The following CAMTA1 variants were observed in gnomAD, a reference collection of about 807,000 sequenced individuals.
CAMTA1 encodes calmodulin-binding transcription activator 1.
In CAMTA1, 27 loss-of-function variants were observed where a neutral mutation model predicts 170.9. The observed-to-expected ratio is 0.16, with a 90% CI of 0.12 to 0.22. The LOEUF (loss-of-function observed/expected upper bound fraction) is 0.22. CAMTA1 is among the 10% of genes least tolerant of loss of function. The pLI is 1.00. For missense variants in CAMTA1, 1,619 were observed against 2,217.2 expected (o/e 0.73, Z 5.42); for synonymous variants, 833 against 891.5 (o/e 0.93, Z 1.17).
chr1:7,031,004 T>TA (rs1225077248), intron 3 of CAMTA1, among the ~76,000 whole-genome samples: 30 of 143,358 alleles, frequency 2.1e-4, no homozygotes, highest in Non-Finnish European at 2.6e-4. Flanking sequence ...CCAGCTAATT[T>TA]TTTTTTTTTT....
intron 6 of CAMTA1, among the ~76,000 whole-genome samples, chr1:7,519,312 C>A (rs1265894653): frequency 1.3e-5 from 2 of 151,956 alleles, no homozygotes; most frequent in Admixed American, 1.3e-4. Flanking sequence ...CAGGGGAAGT[C>A]TTAGCCAGAC....
intron 3 of CAMTA1, among the ~76,000 whole-genome samples, chr1:6,950,188 A>T (rs1571970985): frequency 6.6e-6 from 1 of 151,996 alleles, no homozygotes; most frequent in South Asian, 2.1e-4. Context: ...AAGGAGGGGG[A>T]CGGCCTTCTC....
At chr1:7,301,126 C>T (rs1460179231) in intron 5 of CAMTA1, among the ~76,000 whole-genome samples, 1 of 152,182 alleles carries the variant, frequency 6.6e-6, no homozygotes. Context: ...GGAGCCACAG[C>T]CAGCAGGGGC....
chr1:6,971,812 G>A lies in CAMTA1; in HGVS notation c.235-119492G>A, dbSNP rs1166561525. ...TGGCCGCCCCCGGGTCTCAGCAATGGCATTATCACTGCTAACCCAGGTGTG... is the reference window on the plus strand; with the variant it reads ...TGGCCGCCCCCGGGTCTCAGCAATGACATTATCACTGCTAACCCAGGTGTG... On this transcript the variant is annotated intron_variant, in intron 3 of 22. Coordinates refer to ENST00000303635, the MANE Select transcript of CAMTA1 (RefSeq NM_015215.4). The surrounding 1 kb of genome is among the most constrained non-coding windows in gnomAD (Gnocchi z 4.6). 6.6e-6 allele frequency among the ~76,000 whole-genome samples: 1 copy of A among 152,240 alleles called. No homozygotes were observed. Among genetic ancestry groups the A allele is most frequent in the Non-Finnish European group, 1.5e-5 (1 of 68,042 alleles).
chr1:7,162,365 A>G (rs1647381563), intron 4 of CAMTA1, among the ~76,000 whole-genome samples: 1 of 152,156 alleles, frequency 6.6e-6, no homozygotes, highest in Non-Finnish European at 1.5e-5. Context: ...ATATTTACAG[A>G]GTTGTGCAAC....
chr1:7,127,107 G>T (rs747952267), intron 4 of CAMTA1, among the ~76,000 whole-genome samples: 13 of 152,266 alleles, frequency 8.5e-5, no homozygotes, highest in Non-Finnish European at 1.6e-4. Flanking sequence ...GCAGCATGGG[G>T]CCTGGGAGAC....
intron 4 of CAMTA1, among the ~76,000 whole-genome samples, chr1:7,140,493 C>G (rs1226777580): frequency 2.0e-5 from 3 of 152,136 alleles, no homozygotes; most frequent in African/African-American, 7.2e-5. Context: ...TGCTTTTCTG[C>G]TTTAGCAGTG....
intron 1 of CAMTA1, among the ~76,000 whole-genome samples, chr1:6,818,839 C>T (rs1646141836): frequency 6.6e-6 from 1 of 150,904 alleles, no homozygotes; most frequent in Non-Finnish European, 1.5e-5. Flanking sequence ...TGAGGTTTTG[C>T]CATGTTATCC....
rs559658366 is a variant in CAMTA1, at chr1:7,129,785, C to T, written c.302+38414C>T. On this transcript the variant is annotated intron_variant, in intron 4 of 22. Transcript: ENST00000303635. ...AAAAGTTTCCTTGTGCCTTGTGTAACTCATCCCTTCTGTCCCTCTCCCATC... is the reference window on the plus strand; with the variant it reads ...AAAAGTTTCCTTGTGCCTTGTGTAATTCATCCCTTCTGTCCCTCTCCCATC... 1.1e-4 allele frequency among the ~76,000 whole-genome samples: 16 copies of T among 152,292 alleles called. No homozygotes were observed. The Middle Eastern group carries it at 0.017, about 162-fold the overall frequency.
intron 3 of CAMTA1, among the ~76,000 whole-genome samples, chr1:6,937,671 TCAC>T (rs1165463360): frequency 2.1e-5 from 3 of 144,652 alleles, no homozygotes; most frequent in Admixed American, 6.8e-5. Context: ...ACCATCATCA[TCAC>T]CATCACTATC....
intron 4 of CAMTA1, among the ~76,000 whole-genome samples, chr1:7,099,730 G>A (rs563290459): frequency 2.0e-5 from 3 of 152,264 alleles, no homozygotes; most frequent in East Asian, 3.9e-4. Context: ...GGAACCATCC[G>A]GGTTCTCCTG....
At chr1:7,196,925 A>G (rs149423695) in intron 4 of CAMTA1, among the ~76,000 whole-genome samples, 6 of 152,348 alleles carry the variant, frequency 3.9e-5, no homozygotes, top group Non-Finnish European at 7.3e-5. Flanking sequence ...GGTTCCTTGC[A>G]AAGTCTGTAA....
chr1:7,639,866 C>T (rs2095746835), intron 6 of CAMTA1, among the ~76,000 whole-genome samples: 1 of 152,024 alleles, frequency 6.6e-6, no homozygotes, highest in Admixed American at 6.5e-5. Context: ...GCAGGAGGAG[C>T]CTTAAGCCCT....
chr1:7,501,736 C>T (rs1002096504), intron 6 of CAMTA1, among the ~76,000 whole-genome samples: 2 of 152,132 alleles, frequency 1.3e-5, no homozygotes, highest in Non-Finnish European at 2.9e-5. Flanking sequence ...GTGGGCTCTT[C>T]TGCTGTGGGT....
chr1:7,608,617 C>T (rs2095502722), intron 6 of CAMTA1, among the ~76,000 whole-genome samples: 1 of 152,344 alleles, frequency 6.6e-6, no homozygotes, highest in Middle Eastern at 3.4e-3. Context: ...CCCCATTTGG[C>T]TTGTGTCTGT....
intron 5 of CAMTA1, among the ~76,000 whole-genome samples, chr1:7,377,605 G>A (rs1188544271): frequency 6.6e-6 from 1 of 152,196 alleles, no homozygotes; most frequent in Non-Finnish European, 1.5e-5. Context: ...AATTCATTTA[G>A]ACTAAGGATT....
At chr1:6,891,795 A>G (rs1269033876) in intron 3 of CAMTA1, among the ~76,000 whole-genome samples, 1 of 152,248 alleles carries the variant, frequency 6.6e-6, no homozygotes, top group Non-Finnish European at 1.5e-5. Context: ...ATATGAAAAA[A>G]ATAGTAGCAG....
At chr1:7,215,404 T>C (rs1221865748) in intron 4 of CAMTA1, among the ~76,000 whole-genome samples, 2 of 152,266 alleles carry the variant, frequency 1.3e-5, no homozygotes, top group Non-Finnish European at 2.9e-5. Context: ...TTTGTTTGTT[T>C]GTTTTCTGAG....
chr1:7,201,378 ATTTCT>A (rs1416837451), intron 4 of CAMTA1, among the ~76,000 whole-genome samples: 1 of 151,690 alleles, frequency 6.6e-6, no homozygotes, highest in Non-Finnish European at 1.5e-5. Flanking sequence ...ATTTTTTTTC[ATTTCT>A]TTTTTGGGTA....
Sources: allele counts gnomAD v4.1 joint callset (sites outside exome capture counted in the v4.1 genomes callset), GRCh38; gene constraint gnomAD v4.1.1; non-coding constraint Gnocchi (gnomAD v3.1); transcripts MANE v1.5; gene names NCBI Gene and HGNC (gene_info 2026-07-23, HGNC 2026-07-21).